SPATA3: variants seen among roughly 807,000 people sequenced by gnomAD.
SPATA3 encodes the protein spermatogenesis-associated protein 3.
A neutral mutation model predicts 5.7 loss-of-function variants in SPATA3; 6 were observed. The observed-to-expected ratio is 1.06, with a 90% CI of 0.58 to 2.09. SPATA3 has a LOEUF of 2.09. Ranked by LOEUF, SPATA3 falls within the 30% of genes most tolerant of loss-of-function variation. The pLI is 0.00. For missense variants in SPATA3, 155 were observed against 130.4 expected, an observed-to-expected ratio of 1.19 and a Z score of -0.92; for synonymous variants, 44 against 48.4, an observed-to-expected ratio of 0.91 and a Z score of 0.37.
At chr2:230,997,318 G>C (rs964359820) in intron 1 of SPATA3, among the ~76,000 whole-genome samples, 1 of 152,198 alleles carries the variant, frequency 6.6e-6, no homozygotes, top group East Asian at 1.9e-4. Context: ...CATGTGAGAT[G>C]TGCCTTTCAC....
chr2:231,013,014 C>T (rs1275945840), intron 5 of SPATA3, among the ~76,000 whole-genome samples: 1 of 152,190 alleles, frequency 6.6e-6, no homozygotes, highest in Non-Finnish European at 1.5e-5. Flanking sequence ...CCGTGCAGGC[C>T]AGACTCGCTT....
intron 1 of SPATA3, among the ~76,000 whole-genome samples, chr2:230,999,385 G>T (rs1050492402): frequency 1.3e-5 from 2 of 152,050 alleles, no homozygotes; most frequent in African/African-American, 4.8e-5. Context: ...GCCTGGGAAT[G>T]ATATCTCAAT....
At chr2:231,010,495 G>A (rs529379031), downstream of SPATA3, among the ~76,000 whole-genome samples, 3 of 152,186 alleles carry the variant, frequency 2.0e-5, no homozygotes, top group Non-Finnish European at 4.4e-5. Context: ...GTTATGACCA[G>A]TTCTTACACA....
intron 1 of SPATA3, 128 bp downstream of exon 1, chr2:230,996,662 G>A (rs1417287588): frequency 3.9e-6 from 5 of 1,271,566 alleles, no homozygotes; most frequent in African/African-American, 1.5e-5. Flanking sequence ...GCTGTAGAGT[G>A]GGAAGGTTTT....
At chr2:231,005,313 CCATCATCAT>C (rs1559197657), downstream of SPATA3, among the ~76,000 whole-genome samples, 1 of 44,972 alleles carries the variant, frequency 2.2e-5, no homozygotes, top group African/African-American at 8.0e-5. Flanking sequence ...ACCATCACCA[CCATCATCAT>C]CACCATCATC....
chr2:231,015,588 T>C (rs557331155), intron 6 of SPATA3, among the ~76,000 whole-genome samples: 1 of 152,266 alleles, frequency 6.6e-6, no homozygotes, highest in African/African-American at 2.4e-5. Flanking sequence ...GGAATTGGAA[T>C]CAGGCCGCAT....
At chr2:230,998,305 T>C (rs1692207081) in intron 1 of SPATA3, among the ~76,000 whole-genome samples, 1 of 152,258 alleles carries the variant, frequency 6.6e-6, no homozygotes, top group Admixed American at 6.5e-5. Flanking sequence ...ACATATGATA[T>C]TGATTTTGAG....
chr2:230,997,432 G>A (rs768321668), intron 1 of SPATA3, among the ~76,000 whole-genome samples: 5 of 152,198 alleles, frequency 3.3e-5, no homozygotes, highest in Non-Finnish European at 5.9e-5. Context: ...TTTATCAGCA[G>A]TGTGAAAACA....
At chr2:231,002,409 G>A (rs1387860579) in intron 2 of SPATA3, among the ~76,000 whole-genome samples, 2 of 152,194 alleles carry the variant, frequency 1.3e-5, no homozygotes, top group Admixed American at 6.5e-5. Flanking sequence ...CTGGCTCACA[G>A]CAGACTTGAC....
downstream of SPATA3, chr2:231,006,691 C>T (rs964114094): frequency 2.0e-5 from 3 of 152,138 alleles, no homozygotes; most frequent in African/African-American, 7.2e-5. Context: ...TCTTAATCAA[C>T]AGGCAGTTTG....
At chr2:231,004,040 C>T (rs1293693453), downstream of SPATA3, 2 of 152,176 alleles carry the variant, frequency 1.3e-5, no homozygotes, top group Non-Finnish European at 2.9e-5. Context: ...CACTTCCAGA[C>T]CTCCACCAGC....
downstream of SPATA3, among the ~76,000 whole-genome samples, chr2:231,008,091 G>A (rs1311188603): frequency 1.3e-5 from 2 of 152,228 alleles, no homozygotes; most frequent in African/African-American, 4.8e-5. Context: ...TGGCCATTGA[G>A]GGCAGCTGAA....
chr2:230,997,528 T>C (rs1168295471), intron 1 of SPATA3, among the ~76,000 whole-genome samples: 1 of 152,258 alleles, frequency 6.6e-6, no homozygotes, highest in Non-Finnish European at 1.5e-5. Context: ...ACAAATAATA[T>C]TTTTAGTATG....
intron 6 of SPATA3, among the ~76,000 whole-genome samples, chr2:231,018,894 C>T (rs137889170): frequency 9.4e-4 from 143 of 151,838 alleles, no homozygotes; most frequent in African/African-American, 3.3e-3. Flanking sequence ...CCATGTTGGC[C>T]GGGCTGGTCT....
intron 6 of SPATA3, among the ~76,000 whole-genome samples, chr2:231,017,934 T>C (rs1006222371): frequency 4.4e-5 from 6 of 137,474 alleles, no homozygotes; most frequent in Non-Finnish European, 6.4e-5. Flanking sequence ...AAACTTTTTT[T>C]TTTTCTTTTA....
At chr2:231,007,002 C>T (rs775176581), downstream of SPATA3, among the ~76,000 whole-genome samples, 2 of 152,098 alleles carry the variant, frequency 1.3e-5, no homozygotes, top group African/African-American at 2.4e-5. Flanking sequence ...CCTGGCCAGG[C>T]GCCTGGCAAA....
downstream of SPATA3, among the ~76,000 whole-genome samples, chr2:231,008,358 G>T (rs1396700734): frequency 1.3e-5 from 2 of 152,210 alleles, no homozygotes; most frequent in South Asian, 4.1e-4. Flanking sequence ...ATGGTGTAGG[G>T]GTGGAGGGAG....
At chr2:231,009,569 C>T (rs1388986673), downstream of SPATA3, among the ~76,000 whole-genome samples, 1 of 152,240 alleles carries the variant, frequency 6.6e-6, no homozygotes, top group Non-Finnish European at 1.5e-5. Flanking sequence ...GTCACTGTCA[C>T]CTGGGCTCAT....
At chr2:231,004,020 C>T (rs1311154964), downstream of SPATA3, 1 of 152,142 alleles carries the variant, frequency 6.6e-6, no homozygotes, top group Non-Finnish European at 1.5e-5. Flanking sequence ...TAATGAGAAA[C>T]ATTTCAACCC....
Sources: allele counts gnomAD v4.1 joint callset (sites outside exome capture counted in the v4.1 genomes callset), GRCh38; gene constraint gnomAD v4.1.1; transcripts MANE v1.5; gene names NCBI Gene and HGNC (gene_info 2026-07-23, HGNC 2026-07-21).